The following JMJD1C variants were observed in gnomAD, a reference collection of about 807,000 sequenced individuals.
The protein encoded by JMJD1C is jumonji domain containing 1C.
A neutral mutation model predicts 245.3 loss-of-function variants in JMJD1C; 31 were observed. That is an observed-to-expected ratio of 0.13 (90% confidence interval 0.09 to 0.17). The LOEUF is 0.17. Ranked by LOEUF, JMJD1C falls within the 10% of genes least tolerant of loss-of-function variation. JMJD1C has a pLI of 1.00. For missense variants in JMJD1C, 2,691 were observed against 3,000.2 expected, an observed-to-expected ratio of 0.90 and a Z score of 2.41; for synonymous variants, 1,057 against 1,017.4, an observed-to-expected ratio of 1.04 and a Z score of -0.74.
intron 2 of JMJD1C, among the ~76,000 whole-genome samples, chr10:63,347,410 C>T (rs1297032219): frequency 6.7e-6 from 1 of 149,964 alleles, no homozygotes; most frequent in East Asian, 2.0e-4. Context: ...GGTGAAACCC[C>T]GACTCTAATA....
rs761401207 is a variant in JMJD1C at position 63,207,163 on chromosome 10, A to G, written c.4506T>C (p.Thr1502=). 1 of 1,614,180 alleles carries G rather than the reference A, an allele frequency of 6.2e-7. No individual in the cohort carries two copies. The highest frequency in any genetic ancestry group is 1.1e-5 in the South Asian group (1 of 91,076). Residue 1502 remains threonine, a synonymous_variant, in exon 10 of 26, where the codon ACT becomes ACC. Transcript: ENST00000399262. ...TCTGATTTTTTATAGCATTAGGTTC[A>G]GTCTCACTGGCATTACTACTTTTAT... The part of the protein sequence containing the change: ...AQYKSSNASE[T]EPNAIKNQTL...
At position 63,207,149 on chromosome 10, in the gene JMJD1C, A is replaced by G; in HGVS notation, c.4520T>C (p.Ile1507Thr). 3 of 1,614,132 alleles carry G rather than the reference A, an allele frequency of 1.9e-6. No individual in the cohort carries two copies. Among genetic ancestry groups the G allele is most frequent in the East Asian group, 2.2e-5 (1 of 44,884 alleles). Residue 1507 changes from isoleucine (I) to threonine (T), a missense_variant, in exon 10 of 26, where the codon ATA becomes ACA. By Grantham distance (89) the Ile-to-Thr change is moderately conservative. Coordinates refer to ENST00000399262, the MANE Select transcript of JMJD1C (RefSeq NM_032776.3). ...SNASETEPNA[I>T]KNQTLSASLP... ...GGAGGCTGAAAGTGTCTGATTTTTTATAGCATTAGGTTCAGTCTCACTGGC... is the reference window on the plus strand; with the variant it reads ...GGAGGCTGAAAGTGTCTGATTTTTTGTAGCATTAGGTTCAGTCTCACTGGC...
intron 10 of JMJD1C, chr10:63,202,257 A>G (rs1178400292): frequency 4.8e-5 from 47 of 972,546 alleles, no homozygotes; most frequent in Non-Finnish European, 5.7e-5. Flanking sequence ...CTGTCTAAAA[A>G]TATATATAAA....
chr10:63,468,992 T>C (rs1275436318), upstream of JMJD1C, among the ~76,000 whole-genome samples: 2 of 151,908 alleles, frequency 1.3e-5, no homozygotes, highest in Non-Finnish European at 2.9e-5. Flanking sequence ...AACTATTTTG[T>C]TTTTTTAAAA....
At chr10:63,487,390 C>G (rs1954033121) in intron 1 of JMJD1C, among the ~76,000 whole-genome samples, 1 of 152,136 alleles carries the variant, frequency 6.6e-6, no homozygotes, top group Non-Finnish European at 1.5e-5. Flanking sequence ...TTGGCAATGT[C>G]TGGAAACAAT....
At chr10:63,511,797 C>T (rs1954880866) in intron 1 of JMJD1C, among the ~76,000 whole-genome samples, 1 of 152,040 alleles carries the variant, frequency 6.6e-6, no homozygotes, top group Admixed American at 6.6e-5. Flanking sequence ...TACACAAGTT[C>T]AACAGGGCCA....
At chr10:63,241,303 T>G (rs1327494200) in intron 3 of JMJD1C, among the ~76,000 whole-genome samples, 4 of 152,174 alleles carry the variant, frequency 2.6e-5, no homozygotes, top group African/African-American at 7.2e-5. Context: ...CAAAAAGTCC[T>G]AAGTCAAACT....
chr10:63,173,647 A>G (rs890978125), intron 24 of JMJD1C, among the ~76,000 whole-genome samples: 3 of 152,160 alleles, frequency 2.0e-5, no homozygotes, highest in Non-Finnish European at 4.4e-5. Flanking sequence ...ACTTGAACCC[A>G]GGAGTTTGAG....
chr10:63,281,549 C>T (rs1857402290), intron 2 of JMJD1C, among the ~76,000 whole-genome samples: 1 of 137,304 alleles, frequency 7.3e-6, no homozygotes, highest in Non-Finnish European at 1.5e-5. Flanking sequence ...CGGCTCACTG[C>T]GACCTCTGCC....
Position 63,186,236 on chromosome 10 carries a change from C to T in JMJD1C, c.6718G>A (p.Asp2240Asn). The T allele has an allele frequency of 6.2e-7, 1 of 1,611,252 alleles. No individual in the cohort carries two copies. Among genetic ancestry groups the T allele is most frequent in the Non-Finnish European group, 8.5e-7 (1 of 1,179,332 alleles). Residue 2240 changes from aspartate (D) to asparagine (N), a missense_variant, in exon 19 of 26, where the codon GAT (aspartate) becomes AAT (asparagine). Physicochemically the swap from Asp to Asn is conservative, Grantham distance 23. This residue lies in a region of JMJD1C where 232 missense variants were observed against 416.1 expected (regional missense o/e 0.56). Transcript: ENST00000399262. ...ISNANVKEFWDGFEEVSKRQK... is the reference protein window; with the variant it reads ...ISNANVKEFWNGFEEVSKRQK... ...ATACTTGAAACTTCTTCAAAACCAT[C>T]CCAGAATTCCTTAACATTGGCATTT...
intron 24 of JMJD1C, among the ~76,000 whole-genome samples, chr10:63,175,310 T>C (rs1295991199): frequency 6.6e-6 from 1 of 152,168 alleles, no homozygotes; most frequent in African/African-American, 2.4e-5. Context: ...CATAAGTCCA[T>C]GGGAAAATAT....
At chr10:63,268,249 AG>A (rs1207783026) in intron 2 of JMJD1C, among the ~76,000 whole-genome samples, 35 of 128,420 alleles carry the variant, frequency 2.7e-4, no homozygotes, top group African/African-American at 9.2e-4. Flanking sequence ...AAAAAAAAAA[AG>A]GACTGGAGTG....
chr10:63,442,224 T>C (rs1951433534), intron 1 of JMJD1C, among the ~76,000 whole-genome samples: 4 of 152,188 alleles, frequency 2.6e-5, no homozygotes, highest in South Asian at 2.1e-4. Flanking sequence ...TAGGATGTCC[T>C]AGACTGCCAG....
Position 63,213,617 on chromosome 10 carries a change from A to C in JMJD1C, c.2550T>G (p.Pro850=), listed in dbSNP as rs774095988. The change falls in exon 8 of 26, where the codon CCT becomes CCG. Residue 850 remains proline (P), a synonymous_variant. Coordinates refer to ENST00000399262, the MANE Select transcript of JMJD1C (RefSeq NM_032776.3). ...QSPHLLGQAH[P]SASYNQLGLY... ...GTCCAAGCTGATTATATGAAGCAGA[A>C]GGATGGGCTTGTCCAAGAAGATGAG... 3 of 1,614,212 alleles carry C rather than the reference A, an allele frequency of 1.9e-6. No individual in the cohort carries two copies. In the Admixed American group the frequency reaches 5.0e-5, roughly 27 times the overall value.
intron 1 of JMJD1C, among the ~76,000 whole-genome samples, chr10:63,401,420 T>C (rs1327318952): frequency 1.3e-5 from 2 of 152,106 alleles, no homozygotes; most frequent in Admixed American, 1.3e-4. Flanking sequence ...GTACTTTTTG[T>C]TTTTGCTTGT....
chr10:63,235,593 T>C (rs1232510428), intron 3 of JMJD1C, among the ~76,000 whole-genome samples: 6 of 152,208 alleles, frequency 3.9e-5, no homozygotes, highest in Admixed American at 3.3e-4. Flanking sequence ...TATTTAACAG[T>C]TAAGCATATT....
intron 2 of JMJD1C, among the ~76,000 whole-genome samples, chr10:63,309,345 T>A (rs1189882258): frequency 1.3e-5 from 2 of 150,424 alleles, no homozygotes; most frequent in Admixed American, 1.3e-4. Flanking sequence ...ATGCAAAAAA[T>A]TAACCAGGCG....
At chr10:63,254,192 A>G (rs1449604754) in intron 3 of JMJD1C, among the ~76,000 whole-genome samples, 1 of 152,012 alleles carries the variant, frequency 6.6e-6, no homozygotes, top group Non-Finnish European at 1.5e-5. Flanking sequence ...CAACCAAAAA[A>G]ACAAACAAAC....
intron 1 of JMJD1C, among the ~76,000 whole-genome samples, chr10:63,388,627 T>G (rs1947811498): frequency 6.6e-6 from 1 of 151,924 alleles, no homozygotes; most frequent in South Asian, 2.1e-4. Flanking sequence ...AACCACAATG[T>G]TAACAAGAAG....
Sources: gnomAD v4.1 joint callset for allele counts (sites outside exome capture counted in the v4.1 genomes callset) on GRCh38, gnomAD v4.1.1 for gene constraint, gnomAD v4.1.1 regional missense constraint, MANE v1.5 for transcripts, NCBI Gene and HGNC (gene_info 2026-07-23, HGNC 2026-07-21) for gene names.